Variants in F13A1 observed in about 807,000 individuals in gnomAD.
The protein encoded by F13A1 is FSF, A subunit.
Under a neutral mutation model 80.1 loss-of-function variants are expected in F13A1, and 47 were observed. The ratio of observed to expected loss-of-function variants is 0.59; its 90% CI spans 0.46 to 0.75. F13A1 has a LOEUF of 0.75. Among genes scored for constraint, F13A1 ranks in the 30% least tolerant of loss-of-function variants. The pLI is 0.00. For synonymous variants in F13A1, 349 were observed against 344.9 expected (o/e 1.01, Z -0.13); for missense variants, 817 against 930.4 (o/e 0.88, Z 1.59).
At chr6:6,147,556 T>C (rs1760307024) in intron 14 of F13A1, among the ~76,000 whole-genome samples, 1 of 152,222 alleles carries the variant, frequency 6.6e-6, no homozygotes, top group African/African-American at 2.4e-5. Flanking sequence ...AGCTGTGCTA[T>C]TGTTACCTGT....
intron 6 of F13A1, among the ~76,000 whole-genome samples, chr6:6,233,305 G>A (rs1248437211): frequency 3.9e-5 from 6 of 152,000 alleles, no homozygotes; most frequent in Admixed American, 3.9e-4. Flanking sequence ...GATCATTCAA[G>A]GCTACTATGA....
At chr6:6,148,181 T>A (rs1357352425) in intron 14 of F13A1, among the ~76,000 whole-genome samples, 1 of 152,228 alleles carries the variant, frequency 6.6e-6, no homozygotes, top group African/African-American at 2.4e-5. Context: ...TATTTGACGC[T>A]CTGGAAGCAT....
At chr6:6,291,892 A>G (rs3024475) in intron 3 of F13A1, among the ~76,000 whole-genome samples, 28 of 152,192 alleles carry the variant, frequency 1.8e-4, no homozygotes, top group Non-Finnish European at 3.2e-4. Flanking sequence ...GACTCATATT[A>G]TCTATTGGAC....
chr6:6,294,562 G>C (rs531993547), intron 3 of F13A1, among the ~76,000 whole-genome samples: 1 of 148,918 alleles, frequency 6.7e-6, no homozygotes. Context: ...ATACACACAC[G>C]TATATGTACA....
chr6:6,174,854 CTCT>C lies in F13A1; in HGVS notation c.1470_1472del (p.Glu491del), dbSNP rs774898622. ...TCAGGGCAGTTTCTAGGGCCAATCT[CTCT>C]TCTTCTTGACCTGGGGGAGATCCAG... On this transcript the variant is annotated inframe_deletion, in exon 12 of 15. Transcript: ENST00000264870. 4.3e-6 allele frequency: 7 copies of C among 1,614,168 alleles called. No individual in the cohort carries two copies. In the Admixed American group the frequency reaches 6.7e-5, roughly 15 times the overall value.
intron 13 of F13A1, among the ~76,000 whole-genome samples, chr6:6,163,260 T>C (rs1466001760): frequency 6.6e-6 from 1 of 152,238 alleles, no homozygotes; most frequent in Non-Finnish European, 1.5e-5. Context: ...ACATATCCTA[T>C]GTAATTCTGG....
Position 6,243,308 on chromosome 6 carries a change from A to ACAAT in F13A1, c.798+5000_798+5003dup, listed in dbSNP as rs1352840879. On this transcript the variant is annotated intron_variant, in intron 6 of 14. Transcript: ENST00000264870. The surrounding 1 kb of genome is among the most constrained non-coding windows in gnomAD (Gnocchi z 4.2). ...CCCTACCATCACCACCATTATTATC[A>ACAAT]CAATCACTATCACCACCACCGTCAC... 1.3e-5 allele frequency among the ~76,000 whole-genome samples: 2 copies of ACAAT among 150,056 alleles called. No homozygotes were observed. Among genetic ancestry groups the ACAAT allele is most frequent in the East Asian group, 2.0e-4 (1 of 5,116 alleles).
intron 13 of F13A1, among the ~76,000 whole-genome samples, chr6:6,154,676 A>C (rs1760443590): frequency 1.3e-5 from 2 of 152,206 alleles, no homozygotes; most frequent in Admixed American, 6.5e-5. Flanking sequence ...TGCCTCAATC[A>C]ATTTAGATAT....
Position 6,174,871 on chromosome 6 carries a change from G to C in F13A1, c.1460-4C>G, listed in dbSNP as rs762414400. On this transcript the variant is annotated splice_region_variant and splice_polypyrimidine_tract_variant and intron_variant, in intron 11 of 14. Coordinates refer to ENST00000264870, the MANE Select transcript of F13A1 (RefSeq NM_000129.4). Reference sequence around the variant, plus strand: ...GCCAATCTCTCTTCTTCTTGACCTGGGGGAGATCCAGAGATAATGACAGGC... The same window carrying C: ...GCCAATCTCTCTTCTTCTTGACCTGCGGGAGATCCAGAGATAATGACAGGC... 3.0e-5 allele frequency: 48 copies of C among 1,614,102 alleles called. 1 individual carries two copies. Among genetic ancestry groups the C allele is most frequent in the Non-Finnish European group, 3.9e-5 (46 of 1,180,010 alleles).
chr6:6,182,132 C>T lies in F13A1; in HGVS notation c.1315G>A (p.Asp439Asn), dbSNP rs145376560. 41 of 1,613,914 alleles carry T rather than the reference C, an allele frequency of 2.5e-5. No individual in the cohort carries two copies. The highest frequency in any genetic ancestry group is 6.7e-5 in the East Asian group (3 of 44,886). Residue 439 changes from aspartate to asparagine, a missense_variant, in exon 11 of 15, where the codon GAC becomes AAC. Physicochemically the swap from Asp to Asn is conservative, Grantham distance 23 (BLOSUM62 1). Coordinates refer to ENST00000264870, the MANE Select transcript of F13A1 (RefSeq NM_000129.4). Reference protein sequence around the residue: ...APFVFAEVNSDLIYITAKKDG... With the variant: ...APFVFAEVNSNLIYITAKKDG... Reference sequence around the variant, plus strand: ...TTCTTAGCTGTAATGTAAATGAGGTCGCTGTTGACCTGGAAACAGGAGAGG... The same window carrying T: ...TTCTTAGCTGTAATGTAAATGAGGTTGCTGTTGACCTGGAAACAGGAGAGG...
At chr6:6,320,452 T>C in intron 1 of F13A1, 135 bp downstream of exon 1, 1 of 303,060 alleles carries the variant, frequency 3.3e-6, no homozygotes. Context: ...GAAGCCAGGA[T>C]TGGGCAAGTG....
intron 3 of F13A1, among the ~76,000 whole-genome samples, chr6:6,292,584 C>A (rs1758238773): frequency 2.6e-5 from 4 of 152,178 alleles, no homozygotes; most frequent in Admixed American, 2.6e-4. Context: ...GTCACTCCCA[C>A]CCTGAAAACA....
At chr6:6,178,777 A>G (rs1354560276) in intron 11 of F13A1, among the ~76,000 whole-genome samples, 2 of 152,210 alleles carry the variant, frequency 1.3e-5, no homozygotes, top group African/African-American at 4.8e-5. Context: ...GAACCAGGAG[A>G]AAGTAACATT....
In F13A1 at chr6:6,267,066, C is replaced by T. The variant is rs151117612; in HGVS notation, c.320-257G>A. On this transcript the variant is annotated intron_variant, in intron 3 of 14. Coordinates refer to ENST00000264870, the MANE Select transcript of F13A1 (RefSeq NM_000129.4). ...CACATTAAGACAAGCAAACAGTGCTCCATTGTAACCTCCCTAATTACTAAT... is the reference window on the plus strand; with the variant it reads ...CACATTAAGACAAGCAAACAGTGCTTCATTGTAACCTCCCTAATTACTAAT... 8.5e-4 allele frequency among the ~76,000 whole-genome samples: 129 copies of T among 152,232 alleles called. 1 individual carries two copies. The East Asian group carries it at 0.014, about 17-fold the overall frequency.
chr6:6,301,333 T>C (rs974294994), intron 3 of F13A1, among the ~76,000 whole-genome samples: 2 of 152,202 alleles, frequency 1.3e-5, no homozygotes, highest in East Asian at 3.8e-4. Flanking sequence ...CCCCTCGAAG[T>C]GTGCTTAATT....
intron 8 of F13A1, among the ~76,000 whole-genome samples, chr6:6,211,370 A>T (rs552596295): frequency 6.6e-6 from 1 of 152,224 alleles, no homozygotes; most frequent in Admixed American, 6.5e-5. Context: ...CCTAAAACCA[A>T]CTTGGCCAGA....
At position 6,244,081 on chromosome 6, in the gene F13A1, C is replaced by T. The variant is rs143382409; in HGVS notation, c.798+4231G>A. ...GCCCTTGTCACAATATGTCACGGCC[C>T]ACCTTCTTTGATAGTCTGACTCAGG... is the stretch of plus-strand genomic sequence containing the variant. On this transcript the variant is annotated intron_variant, in intron 6 of 14. Transcript: ENST00000264870. Among the ~76,000 whole-genome samples, 180 of 152,278 alleles carry T rather than the reference C, an allele frequency of 1.2e-3. 1 individual carries two copies. Among genetic ancestry groups the T allele is most frequent in the Non-Finnish European group, 1.2e-3 (82 of 68,024 alleles).
intron 8 of F13A1, among the ~76,000 whole-genome samples, chr6:6,207,375 C>G (rs1285967693): frequency 6.6e-6 from 1 of 152,166 alleles, no homozygotes; most frequent in Admixed American, 6.5e-5. Flanking sequence ...TCTGAATCAG[C>G]CCTATTCATA....
At chr6:6,168,059 T>C (rs1203372839) in intron 12 of F13A1, among the ~76,000 whole-genome samples, 2 of 152,222 alleles carry the variant, frequency 1.3e-5, no homozygotes, top group African/African-American at 4.8e-5. Flanking sequence ...ACCTAGGCCA[T>C]GGGCCACACT....
Sources: allele counts gnomAD v4.1 joint callset (sites outside exome capture counted in the v4.1 genomes callset), GRCh38; gene constraint gnomAD v4.1.1; non-coding constraint Gnocchi (gnomAD v3.1); transcripts MANE v1.5; gene names NCBI Gene and HGNC (gene_info 2026-07-23, HGNC 2026-07-21).